INTS2: variants seen among roughly 807,000 people sequenced by gnomAD.
INTS2 encodes the protein integrator complex subunit 2.
A neutral mutation model predicts 139.6 loss-of-function variants in INTS2; 57 were observed. That is an observed-to-expected ratio of 0.41 (90% CI 0.33 to 0.51). The LOEUF (loss-of-function observed/expected upper bound fraction) is 0.51. INTS2 is among the 20% of genes least tolerant of loss of function. The pLI, the probability that INTS2 is intolerant of heterozygous loss-of-function variation, is 0.28. For missense variants in INTS2, 1,196 were observed against 1,436.7 expected, an observed-to-expected ratio of 0.83 and a Z score of 2.71; for synonymous variants, 473 against 493.4, an observed-to-expected ratio of 0.96 and a Z score of 0.55.
Position 61,876,124 on chromosome 17 carries a change from T to C in INTS2, c.2457-1086A>G, listed in dbSNP as rs2079124685. ...TTGAGGTTACAGTGAACTATGATTG[T>C]GCCACTGCAGTCCAGCCTGGGTGAC... On this transcript the variant is annotated intron_variant, in intron 18 of 24. Transcript: ENST00000251334. This position sits in a 1 kb window ranked among gnomAD's most constrained non-coding sequence, Gnocchi z 4.1. Among the ~76,000 whole-genome samples, 2 of 152,294 alleles carry C rather than the reference T, an allele frequency of 1.3e-5. No individual in the cohort carries two copies. Among genetic ancestry groups the C allele is most frequent in the Admixed American group, 6.5e-5 (1 of 15,280 alleles).
At position 61,867,988 on chromosome 17, in the gene INTS2, T is replaced by C; in HGVS notation, c.3266A>G (p.Tyr1089Cys). ...LLTVLTQAKR[Y>C]AFFMPTLPSL... Reference sequence around the variant, plus strand: ...TGGCAGAGTTGGCATAAAAAAAGCATACCGCTTAGCCTGTGTTAAAACTGT... The same window carrying C: ...TGGCAGAGTTGGCATAAAAAAAGCACACCGCTTAGCCTGTGTTAAAACTGT... Residue 1089 changes from tyrosine to cysteine, a missense_variant, in exon 24 of 25, where the codon TAT becomes TGT. Physicochemically the swap from Tyr to Cys is radical, Grantham distance 194. Coordinates refer to ENST00000251334, the MANE Select transcript of INTS2 (RefSeq NM_001351695.2). This position sits in a 1 kb window ranked among gnomAD's most constrained non-coding sequence, Gnocchi z 5.6. The C allele has an allele frequency of 1.9e-6, 3 of 1,599,162 alleles. No homozygotes were observed. The highest frequency in any genetic ancestry group is 2.6e-6 in the Non-Finnish European group (3 of 1,175,770).
rs1425233026 is a variant in INTS2, at chr17:61,871,452, G to A, written c.2778+813C>T. Among the ~76,000 whole-genome samples, 1 of 152,110 alleles carries A rather than the reference G, an allele frequency of 6.6e-6. No homozygotes were observed. On this transcript the variant is annotated intron_variant, in intron 20 of 24. Coordinates refer to ENST00000251334, the MANE Select transcript of INTS2 (RefSeq NM_001351695.2). The surrounding 1 kb of genome is among the most constrained non-coding windows in gnomAD (Gnocchi z 4.9). ...ACTTTTCTAAATATAAAGTTGAACT[G>A]CTTATATTGTCATGGTATTTATCAC...
At chr17:61,913,434 G>C (rs2079547993) in intron 5 of INTS2, among the ~76,000 whole-genome samples, 1 of 150,572 alleles carries the variant, frequency 6.6e-6, no homozygotes, top group African/African-American at 2.4e-5. Flanking sequence ...GAGGAACAAA[G>C]ATAAAATTTA....
At position 61,897,009 on chromosome 17, in the gene INTS2, T is replaced by C. The variant is rs1955673132; in HGVS notation, c.1494+460A>G. On this transcript the variant is annotated intron_variant, in intron 11 of 24. Transcript: ENST00000251334. This position sits in a 1 kb window ranked among gnomAD's most constrained non-coding sequence, Gnocchi z 4.4. Reference sequence around the variant, plus strand: ...AACAAGGACATTCCTCTAAGCATTATACAGAAACTAGAAAATCTACATGGG... The same window carrying C: ...AACAAGGACATTCCTCTAAGCATTACACAGAAACTAGAAAATCTACATGGG... Among the ~76,000 whole-genome samples the C allele has an allele frequency of 6.6e-6, 1 of 152,110 alleles. No individual in the cohort carries two copies. The highest frequency in any genetic ancestry group is 2.1e-4 in the South Asian group (1 of 4,830).
At chr17:61,874,511 A>C (rs1391302660) in intron 19 of INTS2, among the ~76,000 whole-genome samples, 1 of 152,178 alleles carries the variant, frequency 6.6e-6, no homozygotes, top group Non-Finnish European at 1.5e-5. Flanking sequence ...GGAATCAATG[A>C]AGCTAACATC....
At chr17:61,925,145 G>A in intron 2 of INTS2, 46 bp from the exon 3 acceptor site, 1 of 1,516,610 alleles carries the variant, frequency 6.6e-7, no homozygotes, top group African/African-American at 1.4e-5. Flanking sequence ...CACTGATATG[G>A]AAATAATTGC....
intron 5 of INTS2, among the ~76,000 whole-genome samples, chr17:61,919,193 G>A (rs762141993): frequency 6.6e-5 from 10 of 152,066 alleles, no homozygotes; most frequent in African/African-American, 1.2e-4. Flanking sequence ...AAAGTGCTGG[G>A]ATTACAGGTG....
intron 4 of INTS2, 44 bp from the exon 5 acceptor site, chr17:61,919,557 A>G (rs2079618325): frequency 2.1e-6 from 2 of 943,592 alleles, no homozygotes; most frequent in African/African-American, 3.3e-5. Context: ...TAACAGGTGC[A>G]CTCCACCACA....
intron 8 of INTS2, among the ~76,000 whole-genome samples, chr17:61,906,979 A>AAAAAAC (rs1567909642): frequency 1.3e-5 from 2 of 151,100 alleles, no homozygotes; most frequent in African/African-American, 4.8e-5. Context: ...AAAAAAAAAA[A>AAAAAAC]AAAAACATTG....
intron 5 of INTS2, among the ~76,000 whole-genome samples, chr17:61,913,791 A>C (rs990476459): frequency 6.6e-6 from 1 of 152,218 alleles, no homozygotes; most frequent in African/African-American, 2.4e-5. Context: ...GAAATATGGA[A>C]CTACAGAAAG....
intron 12 of INTS2, chr17:61,894,326 T>C (rs1048377121): frequency 6.6e-6 from 1 of 152,610 alleles, no homozygotes; most frequent in Non-Finnish European, 1.5e-5. Context: ...AAGCACCACA[T>C]AAATATAAAC....
At chr17:61,888,733 G>A (rs544729694) in intron 15 of INTS2, among the ~76,000 whole-genome samples, 3 of 152,004 alleles carry the variant, frequency 2.0e-5, no homozygotes, top group Admixed American at 1.3e-4. Flanking sequence ...ACGGCAAAAC[G>A]AAACTCTTCG....
chr17:61,869,294 T>C lies in INTS2; in HGVS notation c.3117A>G (p.Ala1039=), dbSNP rs375904305. The change falls in exon 22 of 25, where the codon GCA becomes GCG. Residue 1039 remains alanine, a synonymous_variant. Transcript: ENST00000251334. The surrounding 1 kb of genome is among the most constrained non-coding windows in gnomAD (Gnocchi z 5.4). ...TTACCTGTTTCTCAAGTTCTGGCTG[T>C]GCAATAAGCTCAGGTATGAAATCTA... ...ICLDFIPELI[A]QPELEKQIFA... The C allele has an allele frequency of 6.2e-7, 1 of 1,605,188 alleles. No homozygotes were observed. The highest frequency in any genetic ancestry group is 8.5e-7 in the Non-Finnish European group (1 of 1,175,186).
intron 11 of INTS2, among the ~76,000 whole-genome samples, chr17:61,896,069 A>G (rs544444845): frequency 5.7e-4 from 86 of 151,932 alleles, no homozygotes; most frequent in African/African-American, 2.0e-3. Context: ...GTGAAACCCC[A>G]TCTCTACTAA....
rs1231395550 is a variant in INTS2, at chr17:61,867,788, T to G, written c.3421+45A>C. On this transcript the variant is annotated intron_variant, in intron 24 of 24. Coordinates refer to ENST00000251334, the MANE Select transcript of INTS2 (RefSeq NM_001351695.2). This position sits in a 1 kb window ranked among gnomAD's most constrained non-coding sequence, Gnocchi z 5.6. ...AATTTGGAAAGGAATTTGGCCTTTT[T>G]GTTTGAGATATTAAGATAACCCTTG... 2 of 1,561,080 alleles carry G rather than the reference T, an allele frequency of 1.3e-6. No individual in the cohort carries two copies. Among genetic ancestry groups the G allele is most frequent in the Non-Finnish European group, 1.7e-6 (2 of 1,155,856 alleles).
chr17:61,907,532 C>T lies in INTS2; in HGVS notation c.1057G>A (p.Glu353Lys), dbSNP rs779880783. 6.3e-7 allele frequency: 1 copy of T among 1,596,610 alleles called. No homozygotes were observed. The highest frequency in any genetic ancestry group is 2.3e-5 in the East Asian group (1 of 44,440). ...GGCTCCATATCCACATCAGCTTCTT[C>T]CACAATTCGGGTGCTTCTTACTGTG... is the stretch of plus-strand genomic sequence containing the variant. Reference protein sequence around the residue: ...LPTVRSTRIVEEADVDMEPNV... With the variant: ...LPTVRSTRIVKEADVDMEPNV... Residue 353 changes from glutamate to lysine, a missense_variant, in exon 8 of 25, where the codon GAA becomes AAA. Transcript: ENST00000251334.
rs554836349 is a variant in INTS2 at position 61,920,275 on chromosome 17, G to A, written c.536-762C>T. Among the ~76,000 whole-genome samples, 6 of 146,794 alleles carry A rather than the reference G, an allele frequency of 4.1e-5. No homozygotes were observed. The East Asian group carries it at 1.1e-3, about 26-fold the overall frequency. ...CAGCTCACCGCAACCTCCGCCTCCA[G>A]AGTTCAAGCGATTCTCCTGCCTCAG... On this transcript the variant is annotated intron_variant, in intron 4 of 24. Coordinates refer to ENST00000251334, the MANE Select transcript of INTS2 (RefSeq NM_001351695.2).
intron 3 of INTS2, among the ~76,000 whole-genome samples, chr17:61,923,580 C>T (rs1346926933): frequency 6.6e-6 from 1 of 151,300 alleles, no homozygotes; most frequent in Non-Finnish European, 1.5e-5. Flanking sequence ...TTTTTGTCCA[C>T]AATTTATAAA....
Position 61,881,041 on chromosome 17 carries a change from A to C in INTS2, c.2220T>G (p.Asn740Lys). 6.2e-7 allele frequency: 1 copy of C among 1,613,814 alleles called. No homozygotes were observed. The highest frequency in any genetic ancestry group is 8.5e-7 in the Non-Finnish European group (1 of 1,179,794). The change falls in exon 17 of 25, where the codon AAT (asparagine) becomes AAG (lysine). Residue 740 changes from asparagine (N) to lysine (K), a missense_variant. By Grantham distance (94) the Asn-to-Lys change is moderately conservative. This residue lies in a region of INTS2 where 1,129 missense variants were observed against 1,341.9 expected (regional missense o/e 0.84). Coordinates refer to ENST00000251334, the MANE Select transcript of INTS2 (RefSeq NM_001351695.2). ...ALLRRMLLTNNAKNHSPKQLQ... is the reference protein window; with the variant it reads ...ALLRRMLLTNKAKNHSPKQLQ... The stretch of plus-strand genomic sequence containing the variant: ...GTTGTTTGGGAGAATGATTTTTAGC[A>C]TTATTAGTCAGGAGCATTCGCCGTA...
Sources: gnomAD v4.1 joint callset for allele counts (sites outside exome capture counted in the v4.1 genomes callset) on GRCh38, gnomAD v4.1.1 for gene constraint, gnomAD v4.1.1 regional missense constraint, Gnocchi (gnomAD v3.1) non-coding constraint, MANE v1.5 for transcripts, NCBI Gene and HGNC (gene_info 2026-07-23, HGNC 2026-07-21) for gene names.